Variants in CHMP4B observed in about 807,000 individuals in gnomAD.
CHMP4B encodes the protein SNF7 homolog associated with Alix 1.
Under a neutral mutation model 25.1 loss-of-function variants are expected in CHMP4B, and 1 was observed. The observed-to-expected ratio is 0.04, with a 90% CI of 0.01 to 0.19. CHMP4B has a LOEUF of 0.19. Ranked by LOEUF, CHMP4B falls within the 10% of genes least tolerant of loss-of-function variation. CHMP4B has a pLI of 1.00. For synonymous variants in CHMP4B, 101 were observed against 115.6 expected (o/e 0.87, Z 0.81); for missense variants, 151 against 289.7 (o/e 0.52, Z 3.48).
chr20:33,830,358 A>G (rs990751983), intron 1 of CHMP4B, among the ~76,000 whole-genome samples: 4 of 152,294 alleles, frequency 2.6e-5, no homozygotes, highest in Admixed American at 6.5e-5. Context: ...TTGGACATCT[A>G]TAGTGCTTAT....
chr20:33,813,933 A>C (rs937329953), intron 1 of CHMP4B, among the ~76,000 whole-genome samples: 6 of 152,130 alleles, frequency 3.9e-5, no homozygotes, highest in Admixed American at 6.5e-5. Flanking sequence ...GGGTTTCACC[A>C]TGTTGGTCAG....
At position 33,841,063 on chromosome 20, in the gene CHMP4B, T is replaced by C. The variant is rs117222168; in HGVS notation, c.191-7404T>C. Among the ~76,000 whole-genome samples, 810 of 152,342 alleles carry C rather than the reference T, an allele frequency of 5.3e-3. 5 individuals carry two copies. The highest frequency in any genetic ancestry group is 5.9e-3 in the Non-Finnish European group (401 of 68,030). ...TACGGAACACACTTTGTTTGTATTG[T>C]TTAAATGATTTGGAGCGTTTGATAT... On this transcript the variant is annotated intron_variant, in intron 1 of 4. Transcript: ENST00000217402.
At chr20:33,811,872 C>T (rs1361740008) in intron 1 of CHMP4B, among the ~76,000 whole-genome samples, 1 of 152,096 alleles carries the variant, frequency 6.6e-6, no homozygotes, top group South Asian at 2.1e-4. Flanking sequence ...CTGCCCTCTC[C>T]CCTCAGCCTC....
intron 1 of CHMP4B, among the ~76,000 whole-genome samples, chr20:33,846,084 A>G (rs1979682929): frequency 6.6e-6 from 1 of 152,126 alleles, no homozygotes; most frequent in Non-Finnish European, 1.5e-5. Flanking sequence ...TCCCCATGTC[A>G]CTTCCTGCAT....
At chr20:33,832,956 A>AT (rs113338093) in intron 1 of CHMP4B, among the ~76,000 whole-genome samples, 262 of 147,628 alleles carry the variant, frequency 1.8e-3, no homozygotes, top group African/African-American at 5.4e-3. Context: ...TTAAAAAAAA[A>AT]TTTTTTTTTT....
At chr20:33,825,140 C>T (rs1395045727) in intron 1 of CHMP4B, among the ~76,000 whole-genome samples, 1 of 152,182 alleles carries the variant, frequency 6.6e-6, no homozygotes, top group Non-Finnish European at 1.5e-5. Flanking sequence ...CCCATAGTCC[C>T]TAGTCTTTTC....
chr20:33,851,666 C>T (rs762673303), intron 3 of CHMP4B, among the ~76,000 whole-genome samples: 9 of 152,140 alleles, frequency 5.9e-5, no homozygotes, highest in East Asian at 1.9e-4. Flanking sequence ...GAGAAAACAG[C>T]GTGCAGCTCT....
intron 1 of CHMP4B, among the ~76,000 whole-genome samples, chr20:33,826,285 G>C (rs1421876834): frequency 6.6e-6 from 1 of 152,140 alleles, no homozygotes; most frequent in Non-Finnish European, 1.5e-5. Flanking sequence ...AGGCTGGTAG[G>C]ACCATTCGAG....
At chr20:33,812,515 T>C (rs1219013376) in intron 1 of CHMP4B, among the ~76,000 whole-genome samples, 1 of 152,240 alleles carries the variant, frequency 6.6e-6, no homozygotes, top group Non-Finnish European at 1.5e-5. Context: ...CTTCCTGTTG[T>C]CGTATGGCTT....
chr20:33,836,395 T>C lies in CHMP4B; in HGVS notation c.191-12072T>C, dbSNP rs527440329. 3.0e-4 allele frequency among the ~76,000 whole-genome samples: 46 copies of C among 151,788 alleles called. 1 individual carries two copies. The highest frequency in any genetic ancestry group is 5.9e-4 in the Non-Finnish European group (40 of 67,962). On this transcript the variant is annotated intron_variant, in intron 1 of 4. Transcript: ENST00000217402. ...AGGCAGGCCCAGAGCAGTGTTTATC[T>C]AGTATAGAGCTAGTTAATCCCTACT...
intron 1 of CHMP4B, among the ~76,000 whole-genome samples, chr20:33,825,521 T>C (rs1979072117): frequency 6.6e-6 from 1 of 152,152 alleles, no homozygotes; most frequent in Non-Finnish European, 1.5e-5. Context: ...TCTGGGCTTT[T>C]CCTGAAACCA....
intron 2 of CHMP4B, among the ~76,000 whole-genome samples, chr20:33,849,139 C>T (rs571458774): frequency 7.8e-4 from 119 of 152,248 alleles, no homozygotes; most frequent in African/African-American, 2.6e-3. Context: ...TCTTGCTCTC[C>T]GGCTGTAGCT....
At chr20:33,825,434 A>G (rs769547086) in intron 1 of CHMP4B, among the ~76,000 whole-genome samples, 2 of 152,146 alleles carry the variant, frequency 1.3e-5, no homozygotes, top group African/African-American at 4.8e-5. Flanking sequence ...TGTGAACCCT[A>G]TGAGCTCACA....
At chr20:33,822,481 T>G (rs1978969678) in intron 1 of CHMP4B, among the ~76,000 whole-genome samples, 1 of 152,192 alleles carries the variant, frequency 6.6e-6, no homozygotes, top group Non-Finnish European at 1.5e-5. Context: ...ACTAGTTGAT[T>G]TCATCTCTCC....
rs1441863281 is a variant in CHMP4B at position 33,849,473 on chromosome 20, G to A, written c.368+829G>A. Among the ~76,000 whole-genome samples the A allele has an allele frequency of 4.6e-5, 7 of 152,280 alleles. No individual in the cohort carries two copies. The South Asian group carries it at 8.3e-4, about 18-fold the overall frequency. Reference sequence around the variant, plus strand: ...AAATTAGCTGGGTGTCGTGGCATGCGCCTGTAATCCCAGCTACTGGCGGCT... The same window carrying A: ...AAATTAGCTGGGTGTCGTGGCATGCACCTGTAATCCCAGCTACTGGCGGCT... On this transcript the variant is annotated intron_variant, in intron 2 of 4. Coordinates refer to ENST00000217402, the MANE Select transcript of CHMP4B (RefSeq NM_176812.5).
chr20:33,833,443 T>C, intron 1 of CHMP4B, among the ~76,000 whole-genome samples: 1 of 152,214 alleles, frequency 6.6e-6, no homozygotes, highest in Non-Finnish European at 1.5e-5. Context: ...GCCCCTCTGC[T>C]GTGGCCTCAG....
intron 1 of CHMP4B, among the ~76,000 whole-genome samples, chr20:33,835,618 A>G (rs1979371251): frequency 6.6e-6 from 1 of 152,236 alleles, no homozygotes; most frequent in African/African-American, 2.4e-5. Context: ...CATCCATGTA[A>G]TAATTTTAAT....
chr20:33,840,245 CA>C (rs113894341), intron 1 of CHMP4B, among the ~76,000 whole-genome samples: 682 of 97,890 alleles, frequency 7.0e-3, no homozygotes, highest in Admixed American at 0.011. Context: ...GACTCCATCT[CA>C]AAAAAAAAAA....
At chr20:33,829,308 T>G (rs896449400) in intron 1 of CHMP4B, among the ~76,000 whole-genome samples, 4 of 152,232 alleles carry the variant, frequency 2.6e-5, no homozygotes, top group Admixed American at 2.0e-4. Flanking sequence ...GCCAGTTCTT[T>G]GCATTCTCAG....
Sources: gnomAD v4.1 joint callset for allele counts (sites outside exome capture counted in the v4.1 genomes callset) on GRCh38, gnomAD v4.1.1 for gene constraint, MANE v1.5 for transcripts, NCBI Gene and HGNC (gene_info 2026-07-23, HGNC 2026-07-21) for gene names.